The following NFIA variants were observed in gnomAD, a reference collection of about 807,000 sequenced individuals.
NFIA encodes the protein nuclear factor I A.
NFIA carries 8 observed loss-of-function variants against 62.8 expected under a neutral mutation model. That is an observed-to-expected ratio of 0.13 (90% CI 0.07 to 0.23). The LOEUF (loss-of-function observed/expected upper bound fraction) is 0.23, where lower values mean the gene tolerates loss of function less well. Among genes scored for constraint, NFIA ranks in the 10% least tolerant of loss-of-function variants. The pLI, the probability that NFIA is intolerant of heterozygous loss-of-function variation, is 1.00. For missense variants in NFIA, 410 were observed against 642.1 expected, an observed-to-expected ratio of 0.64 and a Z score of 3.91; for synonymous variants, 235 against 238.1, an observed-to-expected ratio of 0.99 and a Z score of 0.12.
At chr1:61,338,762 A>G (rs1661748693) in intron 4 of NFIA, among the ~76,000 whole-genome samples, 1 of 152,220 alleles carries the variant, frequency 6.6e-6, no homozygotes, top group African/African-American at 2.4e-5. Context: ...CCAGACATCC[A>G]GTCATTTGGG....
At chr1:61,445,969 A>G (rs531333393) in intron 10 of NFIA, among the ~76,000 whole-genome samples, 3 of 152,230 alleles carry the variant, frequency 2.0e-5, no homozygotes, top group African/African-American at 4.8e-5. Flanking sequence ...TCTGACCTCA[A>G]TGAAAGATAG....
chr1:61,235,254 AG>A (rs756446507), intron 2 of NFIA, among the ~76,000 whole-genome samples: 30 of 151,990 alleles, frequency 2.0e-4, no homozygotes, highest in Non-Finnish European at 4.4e-5. Context: ...TGAGGTCAGG[AG>A]ATCGAGACCA....
intron 2 of NFIA, among the ~76,000 whole-genome samples, chr1:61,241,178 T>C (rs1054314935): frequency 3.9e-5 from 6 of 152,138 alleles, no homozygotes; most frequent in Non-Finnish European, 8.8e-5. Context: ...CTATTTTATA[T>C]GTTGAATTTG....
At chr1:61,346,454 G>C (rs6678303) in intron 4 of NFIA, among the ~76,000 whole-genome samples, 6,218 of 152,248 alleles carry the variant, frequency 0.041, 426 homozygotes, top group African/African-American at 0.14. Flanking sequence ...GCCATTATTA[G>C]TTAAAAAGTA....
intron 2 of NFIA, among the ~76,000 whole-genome samples, chr1:61,263,641 A>G (rs1320161333): frequency 2.0e-5 from 3 of 152,228 alleles, no homozygotes; most frequent in Admixed American, 6.5e-5. Flanking sequence ...GGGTTCTAAC[A>G]CAGAGACACT....
At position 61,430,851 on chromosome 1, in the gene NFIA, A is replaced by G. The variant is rs559424952; in HGVS notation, c.1512+4295A>G. ...TCACTTGTCTGCTACCTCTGCTACC[A>G]TCATTTGCCCCTCATTTTTTTCCTC... On this transcript the variant is annotated intron_variant, in intron 10 of 10. Coordinates refer to ENST00000403491, the MANE Select transcript of NFIA (RefSeq NM_001134673.4). Among the ~76,000 whole-genome samples the G allele has an allele frequency of 8.7e-4, 132 of 152,114 alleles. 1 individual carries two copies. In the South Asian group the frequency reaches 1.0e-2, roughly 11 times the overall value.
intron 9 of NFIA, among the ~76,000 whole-genome samples, chr1:61,423,059 T>G (rs1014016709): frequency 1.1e-4 from 16 of 152,118 alleles, no homozygotes; most frequent in African/African-American, 3.9e-4. Context: ...ATTTTGAAAC[T>G]TACTGCTGTA....
chr1:61,149,346 T>C (rs539828790), intron 2 of NFIA, among the ~76,000 whole-genome samples: 1 of 152,330 alleles, frequency 6.6e-6, no homozygotes, highest in Admixed American at 6.5e-5. Flanking sequence ...TTTTTTAAAA[T>C]TCCCTGTCTT....
chr1:61,355,013 A>ATCCT (rs80294576), intron 5 of NFIA, among the ~76,000 whole-genome samples: 30,593 of 152,018 alleles, frequency 0.2, 3,191 homozygotes, highest in African/African-American at 0.22. Context: ...AACACTCAGG[A>ATCCT]AAGTTAAGGC....
At position 61,107,406 on chromosome 1, in the gene NFIA, A is replaced by G. The variant is rs1390105695; in HGVS notation, c.559+18726A>G. ...AAAAGAGTATTTCATTGTGTTTTTAATTTGCATTTATAATTTGATTACTAA... is the reference window on the plus strand; with the variant it reads ...AAAAGAGTATTTCATTGTGTTTTTAGTTTGCATTTATAATTTGATTACTAA... On this transcript the variant is annotated intron_variant, in intron 2 of 10. Transcript: ENST00000403491. Among the ~76,000 whole-genome samples the G allele has an allele frequency of 2.6e-5, 4 of 151,492 alleles. No individual in the cohort carries two copies. The South Asian group carries it at 6.2e-4, about 24-fold the overall frequency.
rs377676607 is a variant in NFIA at position 61,301,178 on chromosome 1, A to C, written c.625+23593A>C. ...GGAGGACACCGGGTGATATGCTAAC[A>C]GTCAGTGCTATTCAAGTAGATAGAC... On this transcript the variant is annotated intron_variant, in intron 3 of 10. Transcript: ENST00000403491. Among the ~76,000 whole-genome samples the C allele has an allele frequency of 6.1e-5, 3 of 49,366 alleles. No homozygotes were observed. The South Asian group carries it at 4.8e-3, about 79-fold the overall frequency. The allele number at this position is 49,366 out of a possible 152,430, so 32.4% of individuals were successfully genotyped here. A position where few individuals can be genotyped will look rare whatever the true frequency, so the allele number is the denominator to read the frequency against.
At chr1:61,233,552 A>G (rs921354812) in intron 2 of NFIA, among the ~76,000 whole-genome samples, 2 of 152,192 alleles carry the variant, frequency 1.3e-5, no homozygotes, top group East Asian at 3.9e-4. Context: ...GGTGCTTACT[A>G]CTTGTGCTGT....
chr1:61,135,319 G>T (rs982020379), intron 2 of NFIA, among the ~76,000 whole-genome samples: 2 of 152,188 alleles, frequency 1.3e-5, no homozygotes, highest in Non-Finnish European at 2.9e-5. Context: ...CGTGCTACTG[G>T]GTTCTTTAGC....
chr1:61,119,133 A>G (rs573408143), intron 2 of NFIA, among the ~76,000 whole-genome samples: 3 of 152,244 alleles, frequency 2.0e-5, no homozygotes, highest in East Asian at 3.9e-4. Context: ...TTAATTAGCT[A>G]ATCTTTTCCT....
At chr1:61,252,404 G>A (rs902794853) in intron 2 of NFIA, among the ~76,000 whole-genome samples, 3 of 152,236 alleles carry the variant, frequency 2.0e-5, no homozygotes, top group Admixed American at 2.0e-4. Flanking sequence ...TTAAATTTAT[G>A]TGAACCAATG....
chr1:61,339,932 C>T (rs1272491370), intron 4 of NFIA, among the ~76,000 whole-genome samples: 1 of 152,156 alleles, frequency 6.6e-6, no homozygotes, highest in African/African-American at 2.4e-5. Flanking sequence ...TGTGCCCTGG[C>T]TGTTGTCATG....
At position 61,460,918 on chromosome 1, in the gene NFIA, C is replaced by T. The variant is rs889117890; in HGVS notation, c.*5598C>T. 7.9e-5 allele frequency: 12 copies of T among 152,166 alleles called. No individual in the cohort carries two copies. In the East Asian group the frequency reaches 9.6e-4, roughly 12 times the overall value. 9.4% of individuals were successfully genotyped at this position (152,166 alleles called of 1,614,324 possible). ...AGGTTTAAAGGTATTTCACTGAGAA[C>T]GCAAATTCTGTCTTTTCTTGATTTC... On this transcript the variant is annotated 3_prime_UTR_variant, in exon 11 of 11. Coordinates refer to ENST00000403491, the MANE Select transcript of NFIA (RefSeq NM_001134673.4).
At chr1:61,143,576 A>C (rs1647701316) in intron 2 of NFIA, among the ~76,000 whole-genome samples, 1 of 152,158 alleles carries the variant, frequency 6.6e-6, no homozygotes, top group South Asian at 2.1e-4. Context: ...TTTTTTGTAC[A>C]GATGGGGTTT....
At chr1:61,398,682 T>C (rs1204682492) in intron 7 of NFIA, among the ~76,000 whole-genome samples, 1 of 152,226 alleles carries the variant, frequency 6.6e-6, no homozygotes, top group Non-Finnish European at 1.5e-5. Flanking sequence ...AGCTTTGTTA[T>C]TTAGAAAAGG....
Sources: allele counts gnomAD v4.1 joint callset (sites outside exome capture counted in the v4.1 genomes callset), GRCh38; gene constraint gnomAD v4.1.1; transcripts MANE v1.5; gene names NCBI Gene and HGNC (gene_info 2026-07-23, HGNC 2026-07-21).